The following PCF11 variants were observed in gnomAD, a reference collection of about 807,000 sequenced individuals.
PCF11 encodes pre-mRNA cleavage complex 2 protein Pcf11.
Under a neutral mutation model 166.1 loss-of-function variants are expected in PCF11, and 19 were observed. That is an observed-to-expected ratio of 0.11 (90% CI 0.08 to 0.17). The LOEUF (loss-of-function observed/expected upper bound fraction) is 0.17, where lower values mean the gene tolerates loss of function less well. Among genes scored for constraint, PCF11 ranks in the 10% least tolerant of loss-of-function variants. The pLI, the probability that PCF11 is intolerant of heterozygous loss-of-function variation, is 1.00. For synonymous variants in PCF11, 663 were observed against 644.1 expected (o/e 1.03, Z -0.44); for missense variants, 1,565 against 1,855.5 (o/e 0.84, Z 2.88).
Position 83,177,176 on chromosome 11 carries a change from A to G in PCF11, c.3849A>G (p.Lys1283=), listed in dbSNP as rs371262820. ...AATTGCTAAAAACAGGAATTCTCAA[A>G]TTGTCCCAAACTGATTCAGCTACAA... The change falls in exon 10 of 16, where the codon AAA becomes AAG. Residue 1283 remains lysine, a synonymous_variant. Transcript: ENST00000298281. 2.6e-4 allele frequency: 403 copies of G among 1,571,434 alleles called. 3 individuals are homozygous for G. The Middle Eastern group carries it at 8.2e-3, about 32-fold the overall frequency.
exon 16 of PCF11, chr11:83,184,825 T>C (rs779865148): frequency 2.5e-6 from 4 of 1,598,846 alleles, no homozygotes; most frequent in East Asian, 2.3e-5. Context: ...CACCACCAGC[T>C]TGTACAGAGG....
Position 83,167,687 on chromosome 11 carries a change from C to T in PCF11, c.2092+182C>T, listed in dbSNP as rs760838363. Reference sequence around the variant, plus strand: ...TCTTAGATCCTGATATTTTTGACTACCCTTTGACTGATGCCTTGTTGTCTG... The same window carrying T: ...TCTTAGATCCTGATATTTTTGACTATCCTTTGACTGATGCCTTGTTGTCTG... On this transcript the variant is annotated intron_variant, in intron 7 of 15. Coordinates refer to ENST00000298281, the Ensembl canonical transcript of PCF11. This position sits in a 1 kb window ranked among gnomAD's most constrained non-coding sequence, Gnocchi z 4.2. The T allele has an allele frequency of 2.4e-5, 37 of 1,515,988 alleles. No individual in the cohort carries two copies. The Admixed American group carries it at 4.6e-4, about 19-fold the overall frequency. The allele number at this position is 1,515,988 out of a possible 1,614,324, so 93.9% of individuals were successfully genotyped here.
Position 83,167,929 on chromosome 11 carries a change from T to G in PCF11, c.2092+424T>G. The G allele has an allele frequency of 7.8e-7, 1 of 1,274,120 alleles. No homozygotes were observed. Among genetic ancestry groups the G allele is most frequent in the South Asian group, 1.3e-5 (1 of 76,892 alleles). The allele number at this position is 1,274,120 out of a possible 1,614,324, so 78.9% of individuals were successfully genotyped here. A position where few individuals can be genotyped will look rare whatever the true frequency, so the allele number is the denominator to read the frequency against. On this transcript the variant is annotated intron_variant, in intron 7 of 15. Transcript: ENST00000298281. This position sits in a 1 kb window ranked among gnomAD's most constrained non-coding sequence, Gnocchi z 4.2. Reference sequence around the variant, plus strand: ...AAAAGTTAAATCAGATTATGCCTATTGAATCACACAGCAGTGAAGGGAAAA... The same window carrying G: ...AAAAGTTAAATCAGATTATGCCTATGGAATCACACAGCAGTGAAGGGAAAA...
Position 83,162,299 on chromosome 11 carries a change from CAGATTTGT to C in PCF11, c.318+851_318+858del, listed in dbSNP as rs544285048. ...AGATGAACACCTGTGTGTCAGTTGT[CAGATTTGT>C]AGAATTGGAATTTTTTTTGGAAGAA... On this transcript the variant is annotated intron_variant, in intron 2 of 15. Transcript: ENST00000298281. Among the ~76,000 whole-genome samples the C allele has an allele frequency of 4.8e-3, 724 of 152,256 alleles. 4 individuals carry two copies. The highest frequency in any genetic ancestry group is 8.0e-3 in the Non-Finnish European group (544 of 68,018).
exon 8 of PCF11, chr11:83,169,006 T>C: frequency 6.2e-7 from 1 of 1,613,652 alleles, no homozygotes; most frequent in Non-Finnish European, 8.5e-7. Flanking sequence ...TGGTCTAAGG[T>C]TTGAGGGACC....
exon 8 of PCF11, chr11:83,169,262 T>G: frequency 6.2e-7 from 1 of 1,612,052 alleles, no homozygotes; most frequent in Non-Finnish European, 8.5e-7. Context: ...CATAATCAAC[T>G]TGGTGGGAAC....
At chr11:83,168,010 C>A in intron 7 of PCF11, 112 bp downstream of exon 7, 1 of 852,520 alleles carries the variant, frequency 1.2e-6, no homozygotes, top group Non-Finnish European at 1.6e-6. Context: ...CATTTTTTTT[C>A]CCATTTATTT....
At position 83,169,382 on chromosome 11, in the gene PCF11, G is replaced by T. The variant is rs754913046; in HGVS notation, c.3047G>T (p.Gly1016Val). 7 of 1,613,870 alleles carry T rather than the reference G, an allele frequency of 4.3e-6. No individual in the cohort carries two copies. In the Admixed American group the frequency reaches 1.2e-4, roughly 27 times the overall value. Residue 1016 changes from glycine to valine, a missense_variant, in exon 8 of 16, where the codon GGT (glycine) becomes GTT (valine). Around this residue, in one of 12 missense-constraint regions of PCF11, gnomAD observed 725 missense variants for 749.3 expected, o/e 0.97. Coordinates refer to ENST00000298281, the Ensembl canonical transcript of PCF11. The stretch of plus-strand genomic sequence containing the variant: ...TTTGAGGGTCCTTCTGTACCAGGAG[G>T]TGGCCTGAGAATTGAAGGGCCTCTG...
chr11:83,176,895 T>TA (rs1259334763), intron 9 of PCF11, among the ~76,000 whole-genome samples, 190 bp from the exon 10 acceptor site: 1 of 152,124 alleles, frequency 6.6e-6, no homozygotes, highest in Non-Finnish European at 1.5e-5. Flanking sequence ...TGCTGACTTG[T>TA]AGACCTAAAT....
In PCF11 at chr11:83,168,957, T is replaced by C. The variant is rs1399049334; in HGVS notation, c.2622T>C (p.Gly874=). The stretch of plus-strand genomic sequence containing the variant: ...AGGGACCAGGAGGCCAGCCTGTGGG[T>C]GGTCTGAGGTTTGAGGGACATCGTG... Residue 874 remains glycine (G), a synonymous_variant, in exon 8 of 16, where the codon GGT becomes GGC. Coordinates refer to ENST00000298281, the Ensembl canonical transcript of PCF11. 1.9e-6 allele frequency: 3 copies of C among 1,613,574 alleles called. No individual in the cohort carries two copies. The African/African-American group carries it at 4.0e-5, about 22-fold the overall frequency.
At chr11:83,174,271 A>G (rs1860799407) in intron 9 of PCF11, among the ~76,000 whole-genome samples, 1 of 152,194 alleles carries the variant, frequency 6.6e-6, no homozygotes, top group Non-Finnish European at 1.5e-5. Context: ...CTAGTAGGAA[A>G]TATACCCATG....
rs1860618868 is a variant in PCF11 at position 83,169,813 on chromosome 11, G to A, written c.3478G>A (p.Asp1160Asn). ...GTTCCAAAGACATGAACAAATATTTGATTCACCTCAAGGACCAAATTTTAA... is the reference window on the plus strand; with the variant it reads ...GTTCCAAAGACATGAACAAATATTTAATTCACCTCAAGGACCAAATTTTAA... Residue 1160 changes from aspartate to asparagine, a missense_variant, in exon 8 of 16, where the codon GAT becomes AAT. By Grantham distance (23) the Asp-to-Asn change is conservative. Coordinates refer to ENST00000298281, the Ensembl canonical transcript of PCF11. 3.1e-6 allele frequency: 5 copies of A among 1,613,518 alleles called. No individual in the cohort carries two copies. The South Asian group carries it at 5.5e-5, about 18-fold the overall frequency.
At position 83,167,755 on chromosome 11, in the gene PCF11, A is replaced by G; in HGVS notation, c.2092+250A>G. Reference sequence around the variant, plus strand: ...TCCAAAAGTAAACATGCAAGTAGGAATAGTGGAGCACAGTTTGACAGAAAA... The same window carrying G: ...TCCAAAAGTAAACATGCAAGTAGGAGTAGTGGAGCACAGTTTGACAGAAAA... On this transcript the variant is annotated intron_variant, in intron 7 of 15. Transcript: ENST00000298281. The surrounding 1 kb of genome is among the most constrained non-coding windows in gnomAD (Gnocchi z 4.2). The G allele has an allele frequency of 6.9e-7, 1 of 1,444,590 alleles. No individual in the cohort carries two copies. Among genetic ancestry groups the G allele is most frequent in the Non-Finnish European group, 9.2e-7 (1 of 1,089,870 alleles). 89.5% of individuals were successfully genotyped at this position (1,444,590 alleles called of 1,614,324 possible). A position where few individuals can be genotyped will look rare whatever the true frequency, so the allele number is the denominator to read the frequency against.
chr11:83,170,998 T>G (rs1206623146), intron 8 of PCF11, among the ~76,000 whole-genome samples: 2 of 152,218 alleles, frequency 1.3e-5, no homozygotes, highest in Non-Finnish European at 2.9e-5. Context: ...TAGTCTTGTT[T>G]CTACATTACA....
intron 2 of PCF11, 64 bp downstream of exon 2, chr11:83,161,516 A>G (rs1860253016): frequency 7.7e-6 from 10 of 1,290,672 alleles, no homozygotes; most frequent in South Asian, 3.0e-5. Flanking sequence ...TTAAATAAAT[A>G]TTTGCTTTGT....
At chr11:83,174,864 A>G (rs1440895797) in intron 9 of PCF11, among the ~76,000 whole-genome samples, 1 of 152,236 alleles carries the variant, frequency 6.6e-6, no homozygotes, top group East Asian at 1.9e-4. Flanking sequence ...AAGGAAAGTA[A>G]AGGTTAAACT....
chr11:83,169,509 G>C (rs1860601960), exon 8 of PCF11: 1 of 1,613,782 alleles, frequency 6.2e-7, no homozygotes, highest in Non-Finnish European at 8.5e-7. Flanking sequence ...TACATGGTCA[G>C]CCAGGTCCTA....
chr11:83,165,468 AGT>A, intron 4 of PCF11, 130 bp from the exon 5 acceptor site: 2 of 611,704 alleles, frequency 3.3e-6, no homozygotes, highest in Non-Finnish European at 5.4e-6. Context: ...ATACATTATA[AGT>A]GTACAATTTA....
At chr11:83,183,282 GCAAA>G (rs1279099582) in intron 15 of PCF11, among the ~76,000 whole-genome samples, 2 of 151,886 alleles carry the variant, frequency 1.3e-5, no homozygotes, top group Non-Finnish European at 2.9e-5. Flanking sequence ...CTGTGATAAC[GCAAA>G]CAATTAAAAT....
Sources: allele counts gnomAD v4.1 joint callset (sites outside exome capture counted in the v4.1 genomes callset), GRCh38; gene constraint gnomAD v4.1.1; regional missense constraint gnomAD v4.1.1; non-coding constraint Gnocchi (gnomAD v3.1); transcripts MANE v1.5; gene names NCBI Gene and HGNC (gene_info 2026-07-23, HGNC 2026-07-21).